The following MAP7D3 variants were observed in gnomAD, a reference collection of about 807,000 sequenced individuals.
The protein encoded by MAP7D3 is MAP7 domain-containing protein 3.
A neutral mutation model predicts 62.2 loss-of-function variants in MAP7D3; 45 were observed. The observed-to-expected ratio is 0.72, with a 90% CI of 0.57 to 0.93. MAP7D3 has a LOEUF of 0.93. Among genes scored for constraint, MAP7D3 ranks in the 40% least tolerant of loss-of-function variants. MAP7D3 has a pLI of 0.00. For synonymous variants in MAP7D3, 288 were observed against 248.8 expected (o/e 1.16, Z -1.48); for missense variants, 711 against 683.1 (o/e 1.04, Z -0.45).
At position 136,240,384 on chromosome X, in the gene MAP7D3, T is replaced by C. The variant is rs1228121309; in HGVS notation, c.638A>G (p.Lys213Arg). 3.4e-6 allele frequency: 4 copies of C among 1,160,619 alleles called. No individual in the cohort carries two copies. The highest frequency in any genetic ancestry group is 1.8e-5 in the African/African-American group (1 of 56,190). The change falls in exon 6 of 19, where the codon AAA (lysine) becomes AGA (arginine). Residue 213 changes from lysine (K) to arginine (R), a missense_variant and splice_region_variant. Coordinates refer to ENST00000316077, the MANE Select transcript of MAP7D3 (RefSeq NM_024597.4). ...SSAGLQNSVA[K>R]RKTDKERSSS... is the part of the protein sequence containing the mutation. Reference sequence around the variant, plus strand: ...GAATACATGAAATAACTACTTACTTTTGGCAACGGAATTTTGAAGGCCTGC... The same window carrying C: ...GAATACATGAAATAACTACTTACTTCTGGCAACGGAATTTTGAAGGCCTGC...
Position 136,230,920 on chromosome X carries a change from C to T in MAP7D3, c.1460G>A (p.Arg487His), listed in dbSNP as rs371442977. Reference sequence around the variant, plus strand: ...ATAACACTCAGTGTATGATGATAGACGCTTCTTGGCAATAGGGATTAAGGC... The same window carrying T: ...ATAACACTCAGTGTATGATGATAGATGCTTCTTGGCAATAGGGATTAAGGC... ...KQALIPIAKK[R>H]LSSYTECYKW... Residue 487 changes from arginine to histidine, a missense_variant, in exon 9 of 19, where the codon CGT (arginine) becomes CAT (histidine). By Grantham distance (29) the Arg-to-His change is conservative (BLOSUM62 0). Coordinates refer to ENST00000316077, the MANE Select transcript of MAP7D3 (RefSeq NM_024597.4). 7.2e-5 allele frequency: 86 copies of T among 1,195,759 alleles called. No individual in the cohort carries two copies. In the Middle Eastern group the frequency reaches 1.4e-3, roughly 19 times the overall value.
chrX:136,244,539 G>T, intron 4 of MAP7D3, 93 bp downstream of exon 4: 1 of 808,249 alleles, frequency 1.2e-6, no homozygotes, highest in Non-Finnish European at 1.8e-6. Flanking sequence ...CCTTTCTACA[G>T]GGCAAGTAAG....
chrX:136,217,709 C>T lies in MAP7D3; in HGVS notation c.*817G>A, dbSNP rs1306314237. On this transcript the variant is annotated 3_prime_UTR_variant, in exon 19 of 19. Transcript: ENST00000316077. ...CTTGCATAATCTATTCTGTTCTCTA[C>T]AAGATCAACTGTGAGTTTTTAGCTG... The T allele has an allele frequency of 2.7e-5, 3 of 111,987 alleles. No homozygotes were observed. The highest frequency in any genetic ancestry group is 5.6e-5 in the Non-Finnish European group (3 of 53,165). The allele number at this position is 111,987 out of a possible 1,213,427, so 9.2% of individuals were successfully genotyped here.
Position 136,227,347 on chromosome X carries a change from T to C in MAP7D3, c.1971A>G (p.Gln657=). 8.3e-7 allele frequency: 1 copy of C among 1,206,583 alleles called. No individual in the cohort carries two copies. ...CTTTCTTCTTTTTAGTCTCATTTTG[T>C]TGCTGCCCATCTTTGAGTTTCAAGT... is the stretch of plus-strand genomic sequence containing the variant. ...EDHLKLKDGQ[Q]QNETKKKKGW... is the part of the protein sequence containing the mutation. Residue 657 remains glutamine (Q), a synonymous_variant, in exon 12 of 19, where the codon CAA becomes CAG. Coordinates refer to ENST00000316077, the MANE Select transcript of MAP7D3 (RefSeq NM_024597.4).
rs765772763 is a variant in MAP7D3 at position 136,236,246 on chromosome X, C to T, written c.734G>A (p.Arg245His). 9.6e-6 allele frequency: 11 copies of T among 1,146,290 alleles called. No homozygotes were observed. Among genetic ancestry groups the T allele is most frequent in the South Asian group, 3.9e-5 (2 of 51,401 alleles). 94.5% of individuals were successfully genotyped at this position (1,146,290 alleles called of 1,213,427 possible). ...ATTTGTATTTAGAAGTAACTAACCACGTGGCTTCCTTTCGGCTTGTTCTTT... is the reference window on the plus strand; with the variant it reads ...ATTTGTATTTAGAAGTAACTAACCATGTGGCTTCCTTTCGGCTTGTTCTTT... ...TDKEQAERKP[R>H]VTGVTNYVMQ... The change falls in exon 7 of 19, where the codon CGT (arginine) becomes CAT (histidine). Residue 245 changes from arginine to histidine, a missense_variant and splice_region_variant. Coordinates refer to ENST00000316077, the MANE Select transcript of MAP7D3 (RefSeq NM_024597.4).
At chrX:136,236,766 C>A (rs1046276966) in intron 6 of MAP7D3, among the ~76,000 whole-genome samples, 2 of 111,734 alleles carry the variant, frequency 1.8e-5, no homozygotes, top group Admixed American at 9.5e-5. Flanking sequence ...ACATGAAACT[C>A]CAATATCAAT....
rs375157826 is a variant in MAP7D3 at position 136,246,143 on chromosome X, C to T, written c.175G>A (p.Asp59Asn). 137 of 1,177,433 alleles carry T rather than the reference C, an allele frequency of 1.2e-4. No homozygotes were observed. The highest frequency in any genetic ancestry group is 1.4e-4 in the Non-Finnish European group (124 of 871,234). Residue 59 changes from aspartate to asparagine, a missense_variant, in exon 3 of 19, where the codon GAT (aspartate) becomes AAT (asparagine). By Grantham distance (23) the Asp-to-Asn change is conservative. Transcript: ENST00000316077. ...NIRSTFKPVI[D>N]GSMLKNDIKQ... is the part of the protein sequence containing the mutation. ...ATGTCATTTTTAAGCATGGATCCAT[C>T]GATTACTAAAAAAAAAAGAATATAG...
At chrX:136,244,586 G>A (rs2074426439) in intron 4 of MAP7D3, 46 bp downstream of exon 4, 1 of 1,134,608 alleles carries the variant, frequency 8.8e-7, no homozygotes, top group Non-Finnish European at 1.2e-6. Context: ...TCTAGACTCA[G>A]GCAACACAGT....
chrX:136,216,601 A>AAAAC (rs764525086), downstream of MAP7D3, among the ~76,000 whole-genome samples: 13 of 109,822 alleles, frequency 1.2e-4, no homozygotes, highest in African/African-American at 4.0e-4. Flanking sequence ...CCTTGTCTCT[A>AAAAC]AAACAAACAA....
chrX:136,227,541 T>C, intron 11 of MAP7D3, 110 bp from the exon 12 acceptor site: 1 of 486,434 alleles, frequency 2.1e-6, no homozygotes, highest in Non-Finnish European at 3.3e-6. Flanking sequence ...ATAATTTATA[T>C]CCACACCAGA....
upstream of MAP7D3, chrX:136,256,320 G>A: frequency 8.7e-7 from 1 of 1,155,017 alleles, no homozygotes; most frequent in Non-Finnish European, 1.1e-6. Flanking sequence ...GGCTGGTCAT[G>A]TCTCACTTGG....
chrX:136,230,465 G>A lies in MAP7D3; in HGVS notation c.1670C>T (p.Thr557Ile). ...HTLSVQSASS[T>I]VKKKKETVSK... ...AACTGTTTCTTTTTTCTTTTTGACA[G>A]TACTTGATGCACTTTGCACAGACAG... Residue 557 changes from threonine (T) to isoleucine (I), a missense_variant, in exon 10 of 19, where the codon ACT becomes ATT. Transcript: ENST00000316077. 1.7e-6 allele frequency: 2 copies of A among 1,198,111 alleles called. No homozygotes were observed. The highest frequency in any genetic ancestry group is 3.5e-5 in the South Asian group (2 of 56,620).
At chrX:136,242,931 A>G (rs1022368092) in intron 4 of MAP7D3, among the ~76,000 whole-genome samples, 1 of 112,111 alleles carries the variant, frequency 8.9e-6, no homozygotes, top group Non-Finnish European at 1.9e-5. Flanking sequence ...TCTGAATGAG[A>G]GTCTACCAAA....
At chrX:136,236,041 T>C (rs1390455500) in intron 7 of MAP7D3, among the ~76,000 whole-genome samples, 1 of 112,486 alleles carries the variant, frequency 8.9e-6, no homozygotes, top group African/African-American at 3.2e-5. Context: ...CCTTGTCAGA[T>C]GATGGCAGGA....
chrX:136,254,523 G>T (rs2074540592), upstream of MAP7D3, among the ~76,000 whole-genome samples: 1 of 111,971 alleles, frequency 8.9e-6, no homozygotes, highest in Non-Finnish European at 1.9e-5. Context: ...AAAGGCCTCA[G>T]TCCAGCCAGG....
chrX:136,232,193 T>C lies in MAP7D3; in HGVS notation c.764A>G (p.Gln255Arg), dbSNP rs748535622. 2.5e-6 allele frequency: 3 copies of C among 1,202,127 alleles called. No homozygotes were observed. The highest frequency in any genetic ancestry group is 3.4e-6 in the Non-Finnish European group (3 of 887,871). Residue 255 changes from glutamine (Q) to arginine (R), a missense_variant, in exon 8 of 19, where the codon CAG becomes CGG. By Grantham distance (43) the Gln-to-Arg change is conservative. Coordinates refer to ENST00000316077, the MANE Select transcript of MAP7D3 (RefSeq NM_024597.4). ...RVTGVTNYVM[Q>R]YVTVPLRKCT... ...TTTACGCAAGGGTACAGTGACATAC[T>C]GCATTACATAATTGGTGACGCCTGT...
chrX:136,250,614 G>A (rs936243507), intron 1 of MAP7D3, among the ~76,000 whole-genome samples: 3 of 111,786 alleles, frequency 2.7e-5, no homozygotes, highest in Non-Finnish European at 5.7e-5. Flanking sequence ...GAGATGCAAA[G>A]AGCCAAGTTT....
Position 136,246,051 on chromosome X carries a change from G to A in MAP7D3, c.253+14C>T. On this transcript the variant is annotated intron_variant, in intron 3 of 18. Transcript: ENST00000316077. ...CAATTCATTTTGATTTTTGAAAAAA[G>A]GTCTAAAATATACCGTCTTGCTGTC... 1 of 1,136,556 alleles carries A rather than the reference G, an allele frequency of 8.8e-7. No individual in the cohort carries two copies. The highest frequency in any genetic ancestry group is 1.9e-5 in the South Asian group (1 of 51,372). The allele number at this position is 1,136,556 out of a possible 1,213,427, so 93.7% of individuals were successfully genotyped here.
rs191182608 is a variant in MAP7D3 at position 136,232,212 on chromosome X, C to T, written c.745G>A (p.Val249Ile). The change falls in exon 8 of 19, where the codon GTC becomes ATC. Residue 249 changes from valine (V) to isoleucine (I), a missense_variant. Coordinates refer to ENST00000316077, the MANE Select transcript of MAP7D3 (RefSeq NM_024597.4). ...ACATACTGCATTACATAATTGGTGA[C>T]GCCTGTAACTGAATGAGGACAGAGC... ...QAERKPRVTG[V>I]TNYVMQYVTV... 3.5e-5 allele frequency: 42 copies of T among 1,185,571 alleles called. No homozygotes were observed. The Admixed American group carries it at 4.0e-4, about 11-fold the overall frequency.
Sources: allele counts gnomAD v4.1 joint callset (sites outside exome capture counted in the v4.1 genomes callset), GRCh38; gene constraint gnomAD v4.1.1; transcripts MANE v1.5; gene names NCBI Gene and HGNC (gene_info 2026-07-23, HGNC 2026-07-21).